SCN3A: variants seen among roughly 807,000 people sequenced by gnomAD.
SCN3A encodes the protein sodium channel protein type 3 subunit alpha.
A neutral mutation model predicts 187.6 loss-of-function variants in SCN3A; 60 were observed. The ratio of observed to expected loss-of-function variants is 0.32; its 90% CI spans 0.26 to 0.40. The LOEUF is 0.40. Ranked by LOEUF, SCN3A falls within the 10% of genes least tolerant of loss-of-function variation. The pLI is 1.00. For missense variants in SCN3A, 1,601 were observed against 2,428.2 expected, an observed-to-expected ratio of 0.66 and a Z score of 7.16; for synonymous variants, 788 against 829.2, an observed-to-expected ratio of 0.95 and a Z score of 0.85.
At chr2:165,182,657 G>A (rs969556287) in intron 2 of SCN3A, among the ~76,000 whole-genome samples, 7 of 140,748 alleles carry the variant, frequency 5.0e-5, no homozygotes, top group Non-Finnish European at 9.0e-5. Context: ...GCCACAAATC[G>A]ACATTAACCC....
rs1432374289 is a variant in SCN3A at position 165,088,649 on chromosome 2, T to G, written c.*1501A>C. 6.6e-6 allele frequency: 1 copy of G among 152,508 alleles called. No homozygotes were observed. The highest frequency in any genetic ancestry group is 1.5e-5 in the Non-Finnish European group (1 of 67,946). The allele number at this position is 152,508 out of a possible 1,614,324, so 9.4% of individuals were successfully genotyped here. A position where few individuals can be genotyped will look rare whatever the true frequency, so the allele number is the denominator to read the frequency against. The stretch of plus-strand genomic sequence containing the variant: ...TGAAAAATCTTATGGATTCAAAAGT[T>G]TGGAATTGTGATTAAAAATCAAAAG... On this transcript the variant is annotated 3_prime_UTR_variant, in exon 28 of 28. Transcript: ENST00000283254.
At chr2:165,162,949 T>A in intron 7 of SCN3A, 121 bp from the exon 8 acceptor site, 2 of 1,169,000 alleles carry the variant, frequency 1.7e-6, no homozygotes, top group South Asian at 1.2e-5. Flanking sequence ...ACCAAAGCTG[T>A]ATGGATAGCC....
intron 2 of SCN3A, among the ~76,000 whole-genome samples, chr2:165,184,077 C>T (rs1691068071): frequency 6.6e-6 from 1 of 152,090 alleles, no homozygotes; most frequent in Admixed American, 6.6e-5. Context: ...GAAATTTTCA[C>T]TGAGAGCTAA....
In SCN3A at chr2:165,158,497, C is replaced by A. The variant is rs1211003056; in HGVS notation, c.1032-2594G>T. Reference sequence around the variant, plus strand: ...TAACAAATGCATTAAGTTTCATATTCACCATTATAGAATCTTAGAGAACAG... The same window carrying A: ...TAACAAATGCATTAAGTTTCATATTAACCATTATAGAATCTTAGAGAACAG... On this transcript the variant is annotated intron_variant, in intron 9 of 27. Coordinates refer to ENST00000283254, the MANE Select transcript of SCN3A (RefSeq NM_006922.4). 2.2e-5 allele frequency among the ~76,000 whole-genome samples: 3 copies of A among 135,914 alleles called. 1 individual carries two copies. The highest frequency in any genetic ancestry group is 9.0e-5 in the African/African-American group (3 of 33,182). The allele number at this position is 135,914 out of a possible 152,430, so 89.2% of individuals were successfully genotyped here.
intron 18 of SCN3A, among the ~76,000 whole-genome samples, chr2:165,118,761 A>G (rs1345894286): frequency 2.9e-5 from 4 of 138,566 alleles, no homozygotes; most frequent in Non-Finnish European, 6.3e-5. Context: ...TAACTTTTAT[A>G]TTTATTTATT....
At position 165,090,899 on chromosome 2, in the gene SCN3A, C is replaced by T. The variant is rs2105619881; in HGVS notation, c.5254G>A (p.Val1752Ile). Residue 1752 changes from valine (V) to isoleucine (I), a missense_variant, in exon 28 of 28, where the codon GTC (valine) becomes ATC (isoleucine). Val to Ile is a conservative substitution (Grantham distance 29). This residue lies in a region of SCN3A where 320 missense variants were observed against 623.2 expected (regional missense o/e 0.51). Transcript: ENST00000283254. This position sits in a 1 kb window ranked among gnomAD's most constrained non-coding sequence, Gnocchi z 4.0. ...AGGAAGGATATGATGATGTAACTGA[C>T]AAAAAAGAAAATCCCAACAGATGGG... ...GNPSVGIFFF[V>I]SYIIISFLVV... 2 of 1,613,994 alleles carry T rather than the reference C, an allele frequency of 1.2e-6. No individual in the cohort carries two copies. The highest frequency in any genetic ancestry group is 1.7e-6 in the Non-Finnish European group (2 of 1,179,988).
At chr2:165,175,010 A>C (rs1456018523) in intron 3 of SCN3A, among the ~76,000 whole-genome samples, 2 of 152,238 alleles carry the variant, frequency 1.3e-5, no homozygotes, top group Non-Finnish European at 1.5e-5. Flanking sequence ...CAGAATCTGC[A>C]AATTAAAACA....
chr2:165,132,681 G>A (rs1349350087), intron 15 of SCN3A, among the ~76,000 whole-genome samples: 6 of 152,140 alleles, frequency 3.9e-5, no homozygotes, highest in Non-Finnish European at 2.9e-5. Context: ...AAAAACCCTA[G>A]AAGAAAACCT....
chr2:165,171,724 T>A (rs1690111978), intron 3 of SCN3A, among the ~76,000 whole-genome samples: 1 of 152,080 alleles, frequency 6.6e-6, no homozygotes, highest in Admixed American at 6.6e-5. Flanking sequence ...CTTAGTACAT[T>A]AATTTGTACT....
intron 11 of SCN3A, among the ~76,000 whole-genome samples, chr2:165,153,137 TAGAC>T (rs1344357942): frequency 6.6e-6 from 1 of 151,910 alleles, no homozygotes; most frequent in African/African-American, 2.4e-5. Context: ...AGTTCAGAAA[TAGAC>T]AAACTCACCT....
At chr2:165,203,622 A>G (rs1192934992) in intron 1 of SCN3A, among the ~76,000 whole-genome samples, 1 of 152,024 alleles carries the variant, frequency 6.6e-6, no homozygotes, top group Non-Finnish European at 1.5e-5. Flanking sequence ...ATAAATCACC[A>G]TTTCCAGACA....
intron 1 of SCN3A, among the ~76,000 whole-genome samples, chr2:165,192,873 T>C (rs1233696579): frequency 6.6e-6 from 1 of 152,154 alleles, no homozygotes; most frequent in African/African-American, 2.4e-5. Context: ...TTATCAGATA[T>C]ATGGTGGATA....
rs535835794 is a variant in SCN3A at position 165,117,269 on chromosome 2, A to T, written c.3394-1694T>A. Among the ~76,000 whole-genome samples the T allele has an allele frequency of 1.1e-4, 16 of 152,264 alleles. No homozygotes were observed. In the East Asian group the frequency reaches 2.9e-3, roughly 28 times the overall value. On this transcript the variant is annotated intron_variant, in intron 18 of 27. Coordinates refer to ENST00000283254, the MANE Select transcript of SCN3A (RefSeq NM_006922.4). The stretch of plus-strand genomic sequence containing the variant: ...AGTAATAACAATAAGAAACCAAAGT[A>T]TTTGAGGTTAGTTATAGAAAGTTTC...
At chr2:165,177,389 T>C (rs1403478416) in intron 2 of SCN3A, among the ~76,000 whole-genome samples, 1 of 152,208 alleles carries the variant, frequency 6.6e-6, no homozygotes, top group African/African-American at 2.4e-5. Flanking sequence ...GGAAACTGAC[T>C]TCCTGGGTTA....
intron 26 of SCN3A, chr2:165,094,040 G>A: frequency 3.0e-6 from 1 of 335,248 alleles, no homozygotes. Flanking sequence ...GAGTATAGAG[G>A]GAGGCCTTGG....
intron 2 of SCN3A, chr2:165,179,784 T>G (rs993810390): frequency 1.3e-5 from 2 of 152,178 alleles, no homozygotes; most frequent in Non-Finnish European, 2.9e-5. Flanking sequence ...AATGACAATT[T>G]TGCTGTTTGG....
intron 25 of SCN3A, 21 bp downstream of exon 25, chr2:165,095,490 T>C (rs1357681884): frequency 6.2e-7 from 1 of 1,609,554 alleles, no homozygotes; most frequent in East Asian, 2.2e-5. Flanking sequence ...TGAAGAAAGG[T>C]AAAAGCTAAA....
chr2:165,199,594 A>T (rs972447828), intron 1 of SCN3A, among the ~76,000 whole-genome samples: 12 of 149,738 alleles, frequency 8.0e-5, no homozygotes, highest in Admixed American at 3.3e-4. Context: ...AAAGTAATAA[A>T]AAAAAAAAAT....
At chr2:165,165,924 A>G (rs1029080833) in intron 5 of SCN3A, among the ~76,000 whole-genome samples, 1 of 152,242 alleles carries the variant, frequency 6.6e-6, no homozygotes, top group Non-Finnish European at 1.5e-5. Context: ...TATATGAAGT[A>G]GCTGACTATT....
Sources: gnomAD v4.1 joint callset for allele counts (sites outside exome capture counted in the v4.1 genomes callset) on GRCh38, gnomAD v4.1.1 for gene constraint, gnomAD v4.1.1 regional missense constraint, Gnocchi (gnomAD v3.1) non-coding constraint, MANE v1.5 for transcripts, NCBI Gene and HGNC (gene_info 2026-07-23, HGNC 2026-07-21) for gene names.